The following EPB41L4B variants were observed in gnomAD, a reference collection of about 807,000 sequenced individuals.
EPB41L4B encodes the protein erythrocyte membrane protein band 4.1 like 4B.
EPB41L4B carries 30 observed loss-of-function variants against 112.5 expected under a neutral mutation model. The ratio of observed to expected loss-of-function variants is 0.27; its 90% CI spans 0.20 to 0.36. EPB41L4B has a LOEUF of 0.36. EPB41L4B is among the 10% of genes least tolerant of loss of function. The pLI, the probability that EPB41L4B is intolerant of heterozygous loss-of-function variation, is 1.00. For synonymous variants in EPB41L4B, 408 were observed against 439.7 expected (o/e 0.93, Z 0.90); for missense variants, 1,024 against 1,133.3 (o/e 0.90, Z 1.38).
At chr9:109,268,075 T>C (rs969307998) in intron 3 of EPB41L4B, among the ~76,000 whole-genome samples, 1 of 152,228 alleles carries the variant, frequency 6.6e-6, no homozygotes, top group Non-Finnish European at 1.5e-5. Flanking sequence ...GAGTCTATGT[T>C]GTAACTCATT....
chr9:109,223,304 C>T (rs1445711408), intron 15 of EPB41L4B, among the ~76,000 whole-genome samples: 2 of 151,954 alleles, frequency 1.3e-5, no homozygotes, highest in Admixed American at 6.6e-5. Flanking sequence ...GGTATGGTGG[C>T]ACATACTGTG....
intron 1 of EPB41L4B, 25 bp from the exon 2 acceptor site, chr9:109,279,946 A>G (rs1238359624): frequency 1.9e-6 from 3 of 1,593,406 alleles, no homozygotes; most frequent in Admixed American, 1.7e-5. Context: ...GGAAGATGAA[A>G]AAACTTAGGG....
intron 17 of EPB41L4B, among the ~76,000 whole-genome samples, chr9:109,209,060 G>A (rs913985499): frequency 3.9e-5 from 6 of 152,164 alleles, no homozygotes; most frequent in Non-Finnish European, 8.8e-5. Flanking sequence ...ATGCACCAGA[G>A]CAAGAATCAA....
intron 15 of EPB41L4B, chr9:109,241,246 G>A (rs773277665): frequency 9.7e-5 from 96 of 991,464 alleles, no homozygotes; most frequent in Admixed American, 1.2e-4. Context: ...GAAATGACTC[G>A]TCCAGGCCAC....
rs1259807952 is a variant in EPB41L4B at position 109,194,215 on chromosome 9, A to G, written c.2223+5T>C. ...TGCTCGCCAGGGCTTTCCACCCCCC[A>G]ATACCTTGGCCCCAGGGGACAGCAG... On this transcript the variant is annotated splice_donor_5th_base_variant and intron_variant, in intron 21 of 25. Transcript: ENST00000374566. 2.5e-6 allele frequency: 4 copies of G among 1,613,558 alleles called. No homozygotes were observed. The highest frequency in any genetic ancestry group is 3.4e-6 in the Non-Finnish European group (4 of 1,179,686).
chr9:109,242,079 A>G (rs1834371145), intron 15 of EPB41L4B, among the ~76,000 whole-genome samples: 1 of 152,218 alleles, frequency 6.6e-6, no homozygotes. Flanking sequence ...GTCCGTCTGG[A>G]GAAAGCTAAG....
At chr9:109,275,943 A>G (rs1192495377) in intron 2 of EPB41L4B, among the ~76,000 whole-genome samples, 1 of 151,926 alleles carries the variant, frequency 6.6e-6, no homozygotes, top group East Asian at 1.9e-4. Context: ...CTGGGGCTAA[A>G]AAAGAAGGTT....
intron 17 of EPB41L4B, among the ~76,000 whole-genome samples, chr9:109,211,868 A>G (rs1270402828): frequency 6.8e-6 from 1 of 147,956 alleles, no homozygotes; most frequent in East Asian, 2.0e-4. Context: ...GGTGCCCGCC[A>G]CCACAACTTG....
intron 18 of EPB41L4B, among the ~76,000 whole-genome samples, chr9:109,205,464 T>C (rs992186125): frequency 6.6e-6 from 1 of 152,252 alleles, no homozygotes; most frequent in Non-Finnish European, 1.5e-5. Context: ...CTAATGTAGA[T>C]AATTACAGCT....
chr9:109,284,559 C>T (rs1298807260), intron 1 of EPB41L4B, among the ~76,000 whole-genome samples: 2 of 152,204 alleles, frequency 1.3e-5, no homozygotes, highest in Admixed American at 6.5e-5. Context: ...ATTACGGGCA[C>T]ACCCCACCAC....
At chr9:109,181,053 C>T (rs1009925804) in intron 24 of EPB41L4B, among the ~76,000 whole-genome samples, 1 of 152,176 alleles carries the variant, frequency 6.6e-6, no homozygotes, top group African/African-American at 2.4e-5. Flanking sequence ...ACTCTGTTGC[C>T]CAGGCTGGAA....
At chr9:109,226,943 A>G (rs1463556854) in intron 15 of EPB41L4B, among the ~76,000 whole-genome samples, 1 of 151,358 alleles carries the variant, frequency 6.6e-6, no homozygotes, top group Admixed American at 6.6e-5. Context: ...GGCTCAAGCA[A>G]TCTTCTTCTC....
Position 109,185,596 on chromosome 9 carries a change from C to A in EPB41L4B, c.2311G>T (p.Ala771Ser). ...FTEATPLAEP[A>S]SNPHCAHSRC... Reference sequence around the variant, plus strand: ...GAGTGGGCACAGTGGGGGTTGCTGGCGGGCTCTGCCTGCTCACGAGGAGAG... The same window carrying A: ...GAGTGGGCACAGTGGGGGTTGCTGGAGGGCTCTGCCTGCTCACGAGGAGAG... Residue 771 changes from alanine (A) to serine (S), a missense_variant, in exon 23 of 26, where the codon GCC becomes TCC. Coordinates refer to ENST00000374566, the MANE Select transcript of EPB41L4B (RefSeq NM_019114.5). The A allele has an allele frequency of 6.2e-7, 1 of 1,606,160 alleles. No homozygotes were observed. The highest frequency in any genetic ancestry group is 8.5e-7 in the Non-Finnish European group (1 of 1,176,026).
At chr9:109,256,271 T>TC in intron 8 of EPB41L4B, 47 bp from the exon 9 acceptor site, 1 of 1,593,832 alleles carries the variant, frequency 6.3e-7, no homozygotes, top group African/African-American at 1.3e-5. Context: ...TAACAGGTCG[T>TC]CACACAGCAG....
chr9:109,187,590 G>A (rs1832314653), intron 22 of EPB41L4B, among the ~76,000 whole-genome samples: 1 of 152,082 alleles, frequency 6.6e-6, no homozygotes, highest in South Asian at 2.1e-4. Flanking sequence ...CTACCCTCAG[G>A]AACAGTTCCC....
At chr9:109,270,776 C>T (rs1204470805) in intron 2 of EPB41L4B, among the ~76,000 whole-genome samples, 1 of 152,192 alleles carries the variant, frequency 6.6e-6, no homozygotes, top group Non-Finnish European at 1.5e-5. Flanking sequence ...CTGTCAAAGT[C>T]TCATCTTTAG....
At chr9:109,241,817 G>A in intron 15 of EPB41L4B, 1 of 1,614,044 alleles carries the variant, frequency 6.2e-7, no homozygotes. Context: ...GGCCTGTTTT[G>A]TTTGCAGAGC....
intron 1 of EPB41L4B, among the ~76,000 whole-genome samples, chr9:109,288,111 C>T (rs1416396942): frequency 2.0e-5 from 3 of 152,266 alleles, no homozygotes; most frequent in African/African-American, 7.2e-5. Flanking sequence ...CAGGCCCCGT[C>T]ACTAGGGCTC....
At chr9:109,279,951 T>G (rs780769401) in intron 1 of EPB41L4B, 30 bp from the exon 2 acceptor site, 37 of 1,572,372 alleles carry the variant, frequency 2.4e-5, no homozygotes, top group Non-Finnish European at 3.1e-5. Context: ...ATGAAAAAAC[T>G]TAGGGTGAGA....
Sources: gnomAD v4.1 joint callset for allele counts (sites outside exome capture counted in the v4.1 genomes callset) on GRCh38, gnomAD v4.1.1 for gene constraint, MANE v1.5 for transcripts, NCBI Gene and HGNC (gene_info 2026-07-23, HGNC 2026-07-21) for gene names.